Variants in LPXN observed in about 807,000 individuals in gnomAD.
LPXN encodes the protein leupaxin.
A neutral mutation model predicts 45.6 loss-of-function variants in LPXN; 28 were observed. That is an observed-to-expected ratio of 0.61 (90% CI 0.45 to 0.84). The LOEUF (loss-of-function observed/expected upper bound fraction) is 0.84, where lower values mean the gene tolerates loss of function less well. Ranked by LOEUF, LPXN falls within the 40% of genes least tolerant of loss-of-function variation. The probability of loss-of-function intolerance (pLI) is 0.00; values close to 1 mark genes in which losing one functional copy is unlikely to be tolerated. For synonymous variants in LPXN, 166 were observed against 169.9 expected (o/e 0.98, Z 0.18); for missense variants, 459 against 475.0 (o/e 0.97, Z 0.31).
chr11:58,528,491 C>T (rs1853295391), intron 7 of LPXN, among the ~76,000 whole-genome samples: 1 of 152,178 alleles, frequency 6.6e-6, no homozygotes, highest in Non-Finnish European at 1.5e-5. Context: ...TATAGTTGTC[C>T]TCTTCATGTG....
upstream of LPXN, among the ~76,000 whole-genome samples, chr11:58,577,754 G>A (rs998040072): frequency 6.6e-6 from 1 of 151,986 alleles, no homozygotes; most frequent in Non-Finnish European, 1.5e-5. Flanking sequence ...TCAGCTTCTC[G>A]GTGTAGGTCA....
rs573176327 is a variant in LPXN, at chr11:58,560,825, ATAATGTT to A, written c.218+3323_218+3329del. 3.2e-3 allele frequency among the ~76,000 whole-genome samples: 483 copies of A among 152,348 alleles called. 1 individual carries two copies. Among genetic ancestry groups the A allele is most frequent in the African/African-American group, 0.011 (466 of 41,578 alleles). On this transcript the variant is annotated intron_variant, in intron 3 of 8. Coordinates refer to ENST00000395074, the MANE Select transcript of LPXN (RefSeq NM_004811.3). ...TGTGTGTCCTGAATTATCTGCCAAA[ATAATGTT>A]TAAAGGCTATATATTTTCAAATAGA... is the stretch of plus-strand genomic sequence containing the variant.
chr11:58,561,551 C>T (rs961639608), intron 3 of LPXN, among the ~76,000 whole-genome samples: 1 of 152,220 alleles, frequency 6.6e-6, no homozygotes, highest in African/African-American at 2.4e-5. Flanking sequence ...CTTTTTCTCA[C>T]AGCTCGATCA....
intron 7 of LPXN, among the ~76,000 whole-genome samples, chr11:58,531,892 C>T (rs1853399257): frequency 6.6e-6 from 1 of 152,254 alleles, no homozygotes; most frequent in African/African-American, 2.4e-5. Context: ...GTGGGAGCCC[C>T]ACTCTGGGCT....
chr11:58,534,862 C>A (rs1279930292), intron 7 of LPXN, among the ~76,000 whole-genome samples: 1 of 152,110 alleles, frequency 6.6e-6, no homozygotes, highest in Non-Finnish European at 1.5e-5. Flanking sequence ...CACAGAAATA[C>A]AAACTACAAT....
At chr11:58,529,794 A>ATGCAG (rs1213628992) in intron 7 of LPXN, among the ~76,000 whole-genome samples, 1 of 152,150 alleles carries the variant, frequency 6.6e-6, no homozygotes, top group Admixed American at 6.5e-5. Context: ...AGTGAGATCG[A>ATGCAG]TGCAGAAGGC....
chr11:58,540,984 A>G (rs962552884), intron 7 of LPXN, among the ~76,000 whole-genome samples: 3 of 152,238 alleles, frequency 2.0e-5, no homozygotes, highest in Non-Finnish European at 4.4e-5. Context: ...CTGGCTAGTC[A>G]TATGTAAAAA....
chr11:58,576,312 A>T (rs1214632268), upstream of LPXN, among the ~76,000 whole-genome samples: 2 of 152,102 alleles, frequency 1.3e-5, no homozygotes, highest in Non-Finnish European at 2.9e-5. Context: ...GCTTTCCTGC[A>T]TGGAACGTAA....
At chr11:58,545,053 G>GGCAGGAGACCTTTTTACA (rs1853838197) in intron 7 of LPXN, among the ~76,000 whole-genome samples, 1 of 152,104 alleles carries the variant, frequency 6.6e-6, no homozygotes, top group East Asian at 1.9e-4. Flanking sequence ...CTGATCATAT[G>GGCAGGAGACCTTTTTACA]GCAGGAGACC....
chr11:58,546,576 A>C (rs1853881601), intron 7 of LPXN, among the ~76,000 whole-genome samples: 1 of 152,218 alleles, frequency 6.6e-6, no homozygotes. Flanking sequence ...TCAACAGAAA[A>C]GACCTAAGAT....
At chr11:58,554,964 C>A in intron 3 of LPXN, 24 bp from the exon 4 acceptor site, 2 of 1,468,714 alleles carry the variant, frequency 1.4e-6, no homozygotes, top group South Asian at 2.3e-5. Flanking sequence ...ACAAAAAAGT[C>A]ATATGAACAA....
At chr11:58,553,836 C>G (rs748560355) in intron 4 of LPXN, 4 of 152,142 alleles carry the variant, frequency 2.6e-5, no homozygotes, top group Non-Finnish European at 5.9e-5. Flanking sequence ...CCATTCCATG[C>G]CCGACTATGT....
At chr11:58,568,602 C>CA (rs34133979) in intron 2 of LPXN, among the ~76,000 whole-genome samples, 2,351 of 132,070 alleles carry the variant, frequency 0.018, 54 homozygotes, top group African/African-American at 0.058. Context: ...GACTCCATCT[C>CA]AAAAAAAAAA....
intron 3 of LPXN, among the ~76,000 whole-genome samples, chr11:58,561,333 T>G (rs1854370283): frequency 6.6e-6 from 1 of 152,184 alleles, no homozygotes; most frequent in Non-Finnish European, 1.5e-5. Flanking sequence ...ACGACATATC[T>G]CATGTCCACT....
At chr11:58,549,050 G>A (rs1383668118) in intron 7 of LPXN, among the ~76,000 whole-genome samples, 1 of 152,096 alleles carries the variant, frequency 6.6e-6, no homozygotes, top group Non-Finnish European at 1.5e-5. Flanking sequence ...ATACATAATG[G>A]TTAAAACTGG....
intron 7 of LPXN, among the ~76,000 whole-genome samples, chr11:58,543,036 G>A (rs1853776548): frequency 2.6e-5 from 4 of 152,092 alleles, no homozygotes. Flanking sequence ...TTAGTCCTTT[G>A]CTTACCTCAG....
At chr11:58,543,403 A>G (rs1230594619) in intron 7 of LPXN, among the ~76,000 whole-genome samples, 1 of 152,182 alleles carries the variant, frequency 6.6e-6, no homozygotes, top group African/African-American at 2.4e-5. Context: ...ATTAACTTTT[A>G]CGTAAGAATC....
intron 7 of LPXN, among the ~76,000 whole-genome samples, chr11:58,547,674 A>G (rs1853915963): frequency 6.6e-6 from 1 of 152,184 alleles, no homozygotes; most frequent in South Asian, 2.1e-4. Context: ...AAGGTCCTAA[A>G]AAAGAGAGGG....
intron 7 of LPXN, among the ~76,000 whole-genome samples, chr11:58,535,340 A>G (rs183718610): frequency 6.4e-4 from 98 of 152,352 alleles, no homozygotes; most frequent in African/African-American, 2.0e-3. Context: ...AGTCAGCTTC[A>G]TACCTGGGAC....
Sources: allele counts gnomAD v4.1 joint callset (sites outside exome capture counted in the v4.1 genomes callset), GRCh38; gene constraint gnomAD v4.1.1; transcripts MANE v1.5; gene names NCBI Gene and HGNC (gene_info 2026-07-23, HGNC 2026-07-21).